SMYD3: variants seen among roughly 807,000 people sequenced by gnomAD.
SMYD3 encodes SET and MYND domain containing 3.
SMYD3 carries 36 observed loss-of-function variants against 57.7 expected under a neutral mutation model. The ratio of observed to expected loss-of-function variants is 0.62; its 90% CI spans 0.48 to 0.82. The LOEUF is 0.82. Ranked by LOEUF, SMYD3 falls within the 40% of genes least tolerant of loss-of-function variation. SMYD3 has a pLI of 0.00. For missense variants in SMYD3, 515 were observed against 538.8 expected (o/e 0.96, Z 0.44); for synonymous variants, 211 against 195.0 (o/e 1.08, Z -0.68).
intron 5 of SMYD3, among the ~76,000 whole-genome samples, chr1:246,198,567 T>C (rs1474844568): frequency 6.6e-6 from 1 of 152,220 alleles, no homozygotes; most frequent in African/African-American, 2.4e-5. Flanking sequence ...AACCAATGAA[T>C]GCTTCTTAAA....
intron 5 of SMYD3, among the ~76,000 whole-genome samples, chr1:246,111,804 C>T (rs191066978): frequency 1.2e-4 from 19 of 152,308 alleles, no homozygotes; most frequent in Admixed American, 7.2e-4. Context: ...GTGAGGTAAA[C>T]GGTAGAGGCA....
chr1:246,258,017 AT>A (rs1189488955), intron 5 of SMYD3, among the ~76,000 whole-genome samples: 1 of 151,568 alleles, frequency 6.6e-6, no homozygotes, highest in African/African-American at 2.4e-5. Flanking sequence ...AACTTTTCTT[AT>A]AAATTACCCA....
chr1:246,087,385 C>A (rs1433725100), intron 5 of SMYD3, among the ~76,000 whole-genome samples: 1 of 152,148 alleles, frequency 6.6e-6, no homozygotes, highest in African/African-American at 2.4e-5. Context: ...TGGGTTCTAG[C>A]ACATTTGGTA....
intron 11 of SMYD3, among the ~76,000 whole-genome samples, chr1:245,752,969 C>T (rs548163009): frequency 3.5e-4 from 53 of 152,314 alleles, no homozygotes; most frequent in Non-Finnish European, 6.6e-4. Flanking sequence ...TATGAACAGA[C>T]TGCAGTGACC....
At chr1:246,297,899 T>G (rs1250497867) in intron 5 of SMYD3, among the ~76,000 whole-genome samples, 2 of 152,142 alleles carry the variant, frequency 1.3e-5, no homozygotes, top group Non-Finnish European at 2.9e-5. Context: ...AGCTTTACTC[T>G]TTGGTTTCTG....
chr1:246,176,113 C>T (rs1343952324), intron 5 of SMYD3, among the ~76,000 whole-genome samples: 2 of 152,144 alleles, frequency 1.3e-5, no homozygotes, highest in African/African-American at 2.4e-5. Flanking sequence ...CGTTCCAGTA[C>T]TCTCCTTTCC....
chr1:246,088,565 A>C (rs6691865), intron 5 of SMYD3, among the ~76,000 whole-genome samples: 93,584 of 129,688 alleles, frequency 0.72, 33,283 homozygotes, highest in Admixed American at 0.81. Flanking sequence ...AGCCGAGATC[A>C]TGCCACTGCA....
chr1:245,948,695 C>T (rs2147931106), intron 5 of SMYD3, among the ~76,000 whole-genome samples: 1 of 152,316 alleles, frequency 6.6e-6, no homozygotes, highest in South Asian at 2.1e-4. Flanking sequence ...TGATATCCTC[C>T]ACCACAGCCA....
intron 5 of SMYD3, among the ~76,000 whole-genome samples, chr1:246,146,693 A>C (rs1172018324): frequency 1.3e-5 from 2 of 152,184 alleles, no homozygotes; most frequent in East Asian, 3.9e-4. Context: ...GAAAGGAGGC[A>C]AACTGCCCAG....
chr1:246,040,654 A>C (rs1410398633), intron 5 of SMYD3, among the ~76,000 whole-genome samples: 1 of 152,182 alleles, frequency 6.6e-6, no homozygotes. Flanking sequence ...CATTCCCCAG[A>C]ACAAAATGAC....
chr1:246,144,152 C>A (rs1182461157), intron 5 of SMYD3, among the ~76,000 whole-genome samples: 1 of 152,186 alleles, frequency 6.6e-6, no homozygotes, highest in African/African-American at 2.4e-5. Flanking sequence ...GACGGATACA[C>A]CCGCCAGAGG....
At chr1:245,859,325 A>G (rs944331083) in intron 9 of SMYD3, among the ~76,000 whole-genome samples, 5 of 152,348 alleles carry the variant, frequency 3.3e-5, no homozygotes, top group African/African-American at 1.2e-4. Context: ...AAGAGACAGT[A>G]TTAGGAACAT....
chr1:245,881,157 C>T (rs1210345859), intron 8 of SMYD3, among the ~76,000 whole-genome samples: 1 of 152,178 alleles, frequency 6.6e-6, no homozygotes, highest in Non-Finnish European at 1.5e-5. Flanking sequence ...ACTCACATAT[C>T]TAAGTATACC....
At chr1:246,376,602 A>C (rs1290955760) in intron 1 of SMYD3, among the ~76,000 whole-genome samples, 1 of 151,134 alleles carries the variant, frequency 6.6e-6, no homozygotes, top group African/African-American at 2.4e-5. Context: ...AAAAAAAAAA[A>C]AAAAAAAACT....
intron 8 of SMYD3, among the ~76,000 whole-genome samples, chr1:245,902,752 G>A (rs1226460043): frequency 6.6e-6 from 1 of 152,144 alleles, no homozygotes; most frequent in Non-Finnish European, 1.5e-5. Context: ...CACTGATTAT[G>A]GACAAAGAAA....
chr1:246,000,586 C>A (rs1268947702), intron 5 of SMYD3, among the ~76,000 whole-genome samples: 1 of 152,184 alleles, frequency 6.6e-6, no homozygotes, highest in East Asian at 1.9e-4. Flanking sequence ...CCACACAGGA[C>A]TTCTCTCTGT....
intron 1 of SMYD3, among the ~76,000 whole-genome samples, chr1:246,451,035 T>G (rs906576106): frequency 1.3e-5 from 2 of 152,190 alleles, no homozygotes; most frequent in Non-Finnish European, 2.9e-5. Context: ...CAAACTAACA[T>G]ACTTCAACCA....
intron 10 of SMYD3, among the ~76,000 whole-genome samples, chr1:245,773,917 A>C (rs919038866): frequency 2.0e-5 from 3 of 152,230 alleles, no homozygotes; most frequent in African/African-American, 7.2e-5. Context: ...ACTTAACAGC[A>C]GAAAGTTTAA....
intron 5 of SMYD3, among the ~76,000 whole-genome samples, chr1:246,123,774 C>T (rs1312597971): frequency 6.6e-6 from 1 of 152,082 alleles, no homozygotes; most frequent in East Asian, 1.9e-4. Flanking sequence ...CTAATTAAAA[C>T]ATTACAAAGG....
Sources: allele counts gnomAD v4.1 joint callset (sites outside exome capture counted in the v4.1 genomes callset), GRCh38; gene constraint gnomAD v4.1.1; transcripts MANE v1.5; gene names NCBI Gene and HGNC (gene_info 2026-07-23, HGNC 2026-07-21).